The following IGFL2 variants were observed in gnomAD, a reference collection of about 807,000 sequenced individuals.
The protein encoded by IGFL2 is IGF like family member 2, also known as insulin growth factor-like family member 2.
In IGFL2, 7 loss-of-function variants were observed where a neutral mutation model predicts 13.9. That is an observed-to-expected ratio of 0.51 (90% CI 0.29 to 0.95). The LOEUF (loss-of-function observed/expected upper bound fraction) is 0.95, where lower values mean the gene tolerates loss of function less well. IGFL2 is among the 40% of genes least tolerant of loss of function. The pLI is 0.08. For missense variants in IGFL2, 138 were observed against 147.8 expected (o/e 0.93, Z 0.34); for synonymous variants, 55 against 55.8 (o/e 0.99, Z 0.07).
the IGFL2 span, among the ~76,000 whole-genome samples, chr19:46,179,801 AC>A: frequency 6.6e-6 from 1 of 152,076 alleles, no homozygotes; most frequent in South Asian, 2.1e-4. Context: ...CTGTAATCCC[AC>A]CTACTCGGGG....
At chr19:46,083,557 A>G in the IGFL2 span, among the ~76,000 whole-genome samples, 11 of 152,248 alleles carry the variant, frequency 7.2e-5, no homozygotes, top group Non-Finnish European at 1.3e-4. Flanking sequence ...CCATGGCTGT[A>G]TAATCTCTAT....
chr19:46,112,336 T>C, the IGFL2 span, among the ~76,000 whole-genome samples: 9 of 152,188 alleles, frequency 5.9e-5, no homozygotes, highest in Non-Finnish European at 1.0e-4. Flanking sequence ...TAAATAATTA[T>C]AGTGGCCCCC....
At chr19:46,129,307 T>TTTTGTGTG in the IGFL2 span, among the ~76,000 whole-genome samples, 154 of 137,056 alleles carry the variant, frequency 1.1e-3, no homozygotes, top group African/African-American at 4.1e-3. Flanking sequence ...TGTTGATCTT[T>TTTTGTGTG]TGTGTGTGTG....
the IGFL2 span, among the ~76,000 whole-genome samples, chr19:46,125,463 C>A: frequency 2.6e-5 from 4 of 152,166 alleles, no homozygotes; most frequent in African/African-American, 9.6e-5. Flanking sequence ...AGGCAAGTGC[C>A]AGCTAGGGAA....
In IGFL2 at chr19:46,149,302, TCTCCCC is replaced by T. The variant is rs1413399551; in HGVS notation, c.19+1018_19+1023del. Among the ~76,000 whole-genome samples the T allele has an allele frequency of 6.6e-4, 28 of 42,410 alleles. 1 individual carries two copies. The highest frequency in any genetic ancestry group is 2.0e-3 in the African/African-American group (20 of 10,012). 27.8% of individuals were successfully genotyped at this position (42,410 alleles called of 152,430 possible). On this transcript the variant is annotated intron_variant, in intron 1 of 3. Transcript: ENST00000377693. ...CTTTCCACCTCTCCCCCTCTTCCCC[TCTCCCC>T]CTCCCCCTCCCCTCCCCATCTCCCT... is the stretch of plus-strand genomic sequence containing the variant.
the IGFL2 span, among the ~76,000 whole-genome samples, chr19:46,085,772 T>C: frequency 6.6e-6 from 1 of 152,200 alleles, no homozygotes; most frequent in African/African-American, 2.4e-5. Context: ...GCGTTTTGTT[T>C]CCATGTTTAA....
chr19:46,124,499 G>T, the IGFL2 span: 2 of 1,146,898 alleles, frequency 1.7e-6, no homozygotes, highest in Middle Eastern at 2.0e-4. Flanking sequence ...GTCACCCTTT[G>T]AGGTGACTAG....
At position 46,161,106 on chromosome 19, in the gene IGFL2, A is replaced by G. The variant is rs761864360; in HGVS notation, c.*18A>G. ...TTCCCTGAGAAGACATAGAAAGAAA[A>G]TCAACTTTCACTAAGGCATCTCAGA... On this transcript the variant is annotated 3_prime_UTR_variant, in exon 4 of 4. Coordinates refer to ENST00000377693, the MANE Select transcript of IGFL2 (RefSeq NM_001135113.2). The G allele has an allele frequency of 1.3e-6, 2 of 1,579,410 alleles. No homozygotes were observed. The highest frequency in any genetic ancestry group is 1.8e-5 in the Admixed American group (1 of 55,328).
At chr19:46,213,899 T>G in the IGFL2 span, 1 of 153,310 alleles carries the variant, frequency 6.5e-6, no homozygotes, top group South Asian at 2.1e-4. Flanking sequence ...CTAAAAAGTT[T>G]TAAGTGACTC....
chr19:46,176,784 C>T, the IGFL2 span, among the ~76,000 whole-genome samples: 120 of 152,276 alleles, frequency 7.9e-4, 2 homozygotes, highest in Middle Eastern at 0.017. Flanking sequence ...GGACCACACT[C>T]CCCCCAGCCT....
chr19:46,161,325 T>G, downstream of IGFL2: 1 of 422,566 alleles, frequency 2.4e-6, no homozygotes, highest in Non-Finnish European at 4.2e-6. Context: ...TTTCTTTTTT[T>G]TTTTTTTTTT....
the IGFL2 span, among the ~76,000 whole-genome samples, chr19:46,172,848 G>C: frequency 2.0e-5 from 3 of 152,116 alleles, no homozygotes; most frequent in Non-Finnish European, 4.4e-5. Context: ...CCTCTGAGTA[G>C]CTCTACAGAC....
the IGFL2 span, chr19:46,212,645 T>C: frequency 6.6e-6 from 1 of 151,688 alleles, no homozygotes; most frequent in Non-Finnish European, 1.5e-5. Context: ...CCACCAGAAC[T>C]TCACAGTGAC....
At chr19:46,179,740 A>G in the IGFL2 span, among the ~76,000 whole-genome samples, 2 of 151,632 alleles carry the variant, frequency 1.3e-5, no homozygotes, top group Non-Finnish European at 2.9e-5. Flanking sequence ...ACGTGATGAA[A>G]CTCCATCTCT....
rs777031447 is a variant in IGFL2 at position 46,160,779 on chromosome 19, G to C, written c.239G>C (p.Cys80Ser). The C allele has an allele frequency of 6.2e-7, 1 of 1,614,160 alleles. No individual in the cohort carries two copies. The highest frequency in any genetic ancestry group is 1.7e-5 in the Admixed American group (1 of 60,020). ...CTFWPCFELC[C>S]LDSFGLTNDF... ...TTCTGGCCCTGCTTTGAGCTCTGCT[G>C]TCTTGATTCCTTTGGCCTCACAAAC... Residue 80 changes from cysteine to serine, a missense_variant, in exon 3 of 4, where the codon TGT becomes TCT. Transcript: ENST00000377693.
At chr19:46,135,144 T>C in the IGFL2 span, among the ~76,000 whole-genome samples, 1 of 152,230 alleles carries the variant, frequency 6.6e-6, no homozygotes, top group Non-Finnish European at 1.5e-5. Flanking sequence ...CAGATTCTCA[T>C]AATGTTAACA....
chr19:46,206,580 G>C, the IGFL2 span, among the ~76,000 whole-genome samples: 1 of 152,164 alleles, frequency 6.6e-6, no homozygotes, highest in Non-Finnish European at 1.5e-5. Context: ...TTTCCTTCCA[G>C]TGTTTAGTAA....
At chr19:46,193,738 T>C in the IGFL2 span, among the ~76,000 whole-genome samples, 1 of 152,140 alleles carries the variant, frequency 6.6e-6, no homozygotes, top group South Asian at 2.1e-4. Context: ...TTACAATATA[T>C]TGTAACTGTT....
At chr19:46,199,704 C>T in the IGFL2 span, among the ~76,000 whole-genome samples, 1 of 152,190 alleles carries the variant, frequency 6.6e-6, no homozygotes, top group Non-Finnish European at 1.5e-5. Context: ...AAGAAACCTG[C>T]TTTCTCCCAC....
Sources: allele counts gnomAD v4.1 joint callset (sites outside exome capture counted in the v4.1 genomes callset), GRCh38; gene constraint gnomAD v4.1.1; transcripts MANE v1.5; gene names NCBI Gene and HGNC (gene_info 2026-07-23, HGNC 2026-07-21).